Variants in STAU2 observed in about 807,000 individuals in gnomAD.
STAU2 encodes double-stranded RNA-binding protein Staufen homolog 2.
A neutral mutation model predicts 65.9 loss-of-function variants in STAU2; 20 were observed. The observed-to-expected ratio is 0.30, with a 90% CI of 0.21 to 0.44. The LOEUF is 0.44. STAU2 is among the 20% of genes least tolerant of loss of function. The pLI is 1.00. For missense variants in STAU2, 558 were observed against 683.9 expected, an observed-to-expected ratio of 0.82 and a Z score of 2.05; for synonymous variants, 232 against 233.9, an observed-to-expected ratio of 0.99 and a Z score of 0.07.
intron 13 of STAU2, among the ~76,000 whole-genome samples, chr8:73,423,774 A>T (rs1816577377): frequency 6.6e-6 from 1 of 152,112 alleles, no homozygotes; most frequent in Non-Finnish European, 1.5e-5. Flanking sequence ...TTTACAGAAA[A>T]CTTGGGCAGG....
intron 13 of STAU2, chr8:73,527,847 GGGGACAA>G: frequency 7.0e-7 from 1 of 1,423,644 alleles, no homozygotes; most frequent in Non-Finnish European, 9.5e-7. Context: ...CATTTTCAGA[GGGGACAA>G]GATGCAAATA....
intron 6 of STAU2, among the ~76,000 whole-genome samples, chr8:73,669,978 C>CA (rs1817551344): frequency 6.6e-6 from 1 of 152,124 alleles, no homozygotes; most frequent in African/African-American, 2.4e-5. Flanking sequence ...GTAATACTCT[C>CA]ATAAATCTAT....
chr8:73,496,408 C>T (rs1821423345), intron 13 of STAU2, among the ~76,000 whole-genome samples: 1 of 151,490 alleles, frequency 6.6e-6, no homozygotes, highest in Non-Finnish European at 1.5e-5. Flanking sequence ...GTTGTAACTG[C>T]CACAACTGAA....
intron 13 of STAU2, among the ~76,000 whole-genome samples, chr8:73,442,472 A>C (rs138032932): frequency 6.6e-6 from 1 of 152,320 alleles, no homozygotes; most frequent in East Asian, 1.9e-4. Flanking sequence ...AAGACAATTT[A>C]ACCATACGAA....
chr8:73,687,484 TA>T (rs1489401882), intron 5 of STAU2, among the ~76,000 whole-genome samples: 2 of 140,652 alleles, frequency 1.4e-5, no homozygotes, highest in African/African-American at 2.6e-5. Flanking sequence ...TATAATTATA[TA>T]ATATATAAAA....
chr8:73,658,944 A>AACAAC (rs1554557763), intron 6 of STAU2, among the ~76,000 whole-genome samples: 64 of 20,338 alleles, frequency 3.1e-3, no homozygotes, highest in African/African-American at 5.8e-3. Flanking sequence ...CAAAAACAAC[A>AACAAC]AAAAAAAAAA....
intron 13 of STAU2, among the ~76,000 whole-genome samples, chr8:73,514,954 G>A (rs1038391815): frequency 1.3e-5 from 2 of 152,142 alleles, no homozygotes; most frequent in African/African-American, 4.8e-5. Flanking sequence ...GTACAGTGGT[G>A]GACATGCAGC....
intron 13 of STAU2, among the ~76,000 whole-genome samples, chr8:73,441,986 C>T (rs1040766121): frequency 1.3e-5 from 2 of 152,012 alleles, no homozygotes; most frequent in Admixed American, 6.5e-5. Context: ...AAGAAGTAAA[C>T]GATATCTTCT....
At chr8:73,468,482 G>A (rs1384651951) in intron 13 of STAU2, among the ~76,000 whole-genome samples, 1 of 152,160 alleles carries the variant, frequency 6.6e-6, no homozygotes, top group South Asian at 2.1e-4. Flanking sequence ...AAGAGCTTCT[G>A]CACAGCAAAA....
At chr8:73,667,995 G>A (rs1817359115) in intron 6 of STAU2, among the ~76,000 whole-genome samples, 1 of 152,158 alleles carries the variant, frequency 6.6e-6, no homozygotes. Flanking sequence ...GAGTAGTTTG[G>A]ATGGGGCTAA....
chr8:73,746,389 A>C (rs1331094894), intron 1 of STAU2, among the ~76,000 whole-genome samples: 22 of 145,382 alleles, frequency 1.5e-4, no homozygotes, highest in Admixed American at 1.4e-3. Flanking sequence ...GGCCGCTACC[A>C]CCCCGGCCCC....
intron 13 of STAU2, among the ~76,000 whole-genome samples, chr8:73,549,410 G>T (rs904879327): frequency 6.6e-6 from 1 of 152,140 alleles, no homozygotes; most frequent in African/African-American, 2.4e-5. Flanking sequence ...ATGTGTAAGT[G>T]TTCGGTCACA....
chr8:73,649,221 C>A (rs1815632797), intron 6 of STAU2, among the ~76,000 whole-genome samples: 1 of 152,282 alleles, frequency 6.6e-6, no homozygotes, highest in East Asian at 1.9e-4. Flanking sequence ...TCTGCACATC[C>A]CATATTCTTG....
intron 9 of STAU2, among the ~76,000 whole-genome samples, chr8:73,609,369 A>C (rs1163511319): frequency 6.6e-6 from 1 of 151,948 alleles, no homozygotes. Flanking sequence ...AAATTAAATA[A>C]AGGGCCGGGC....
intron 13 of STAU2, among the ~76,000 whole-genome samples, chr8:73,523,277 G>A (rs1442091649): frequency 6.6e-6 from 1 of 151,512 alleles, no homozygotes; most frequent in Non-Finnish European, 1.5e-5. Flanking sequence ...TCTAAACCAG[G>A]CTATGGGTTA....
intron 13 of STAU2, among the ~76,000 whole-genome samples, chr8:73,512,216 T>C (rs1303982236): frequency 6.6e-6 from 1 of 152,192 alleles, no homozygotes; most frequent in East Asian, 1.9e-4. Flanking sequence ...TTCAAAACTG[T>C]TTTAGCGATT....
intron 6 of STAU2, among the ~76,000 whole-genome samples, chr8:73,637,460 T>C (rs1320255415): frequency 7.9e-6 from 1 of 126,362 alleles, no homozygotes; most frequent in Admixed American, 8.3e-5. Flanking sequence ...TTTAAAGTCT[T>C]TATAAAGTGC....
At chr8:73,692,083 T>C (rs926018893) in intron 4 of STAU2, among the ~76,000 whole-genome samples, 7 of 152,054 alleles carry the variant, frequency 4.6e-5, no homozygotes, top group Non-Finnish European at 5.9e-5. Context: ...CCCTAAAAGA[T>C]AGGGTACAAA....
intron 13 of STAU2, among the ~76,000 whole-genome samples, chr8:73,494,739 ACT>A (rs942794192): frequency 3.3e-5 from 5 of 151,644 alleles, no homozygotes; most frequent in African/African-American, 1.2e-4. Context: ...CAGAGCAGAG[ACT>A]CTTTTAAAAA....
Sources: gnomAD v4.1 joint callset for allele counts (sites outside exome capture counted in the v4.1 genomes callset) on GRCh38, gnomAD v4.1.1 for gene constraint, MANE v1.5 for transcripts, NCBI Gene and HGNC (gene_info 2026-07-23, HGNC 2026-07-21) for gene names.